The following FAM24B variants were observed in gnomAD, a reference collection of about 807,000 sequenced individuals.
FAM24B encodes family with sequence similarity 24 member B, also known as protein FAM24B.
Under a neutral mutation model 2.3 loss-of-function variants are expected in FAM24B, and 3 were observed. That is an observed-to-expected ratio of 1.29 (90% CI 0.59 to 3.32). The LOEUF is 3.32. Ranked by LOEUF, FAM24B falls within the 30% of genes most tolerant of loss-of-function variation. The probability of loss-of-function intolerance (pLI) is 0.03; values close to 1 mark genes in which losing one functional copy is unlikely to be tolerated. For missense variants in FAM24B, 98 were observed against 117.2 expected, an observed-to-expected ratio of 0.84 and a Z score of 0.76; for synonymous variants, 36 against 46.3, an observed-to-expected ratio of 0.78 and a Z score of 0.90.
intron 1 of FAM24B, among the ~76,000 whole-genome samples, chr10:122,857,944 C>T (rs1847665159): frequency 6.6e-6 from 1 of 152,220 alleles, no homozygotes; most frequent in East Asian, 1.9e-4. Context: ...ACTGGCAAGG[C>T]TGGCTCTGAA....
At chr10:122,863,608 GTTATT>G (rs1229650044) in intron 1 of FAM24B, among the ~76,000 whole-genome samples, 1 of 152,166 alleles carries the variant, frequency 6.6e-6, no homozygotes, top group Admixed American at 6.5e-5. Flanking sequence ...CACATACACT[GTTATT>G]TTATTTTATT....
intron 1 of FAM24B, among the ~76,000 whole-genome samples, chr10:122,876,974 A>T (rs1422592724): frequency 1.3e-5 from 2 of 152,232 alleles, no homozygotes; most frequent in Non-Finnish European, 2.9e-5. Context: ...CAGTAGATAC[A>T]TATATGATTC....
intron 1 of FAM24B, among the ~76,000 whole-genome samples, chr10:122,870,859 C>G (rs913059137): frequency 9.9e-5 from 15 of 152,130 alleles, no homozygotes; most frequent in Admixed American, 9.2e-4. Flanking sequence ...GGAAGCATTC[C>G]CTTTGAAAAC....
chr10:122,871,536 A>G (rs2133840285), intron 1 of FAM24B, among the ~76,000 whole-genome samples: 1 of 151,686 alleles, frequency 6.6e-6, no homozygotes, highest in South Asian at 2.1e-4. Context: ...ACTTCAAACT[A>G]TACTACAGGG....
Position 122,850,483 on chromosome 10 carries a change from G to GGCCGCCAGGAT in FAM24B, c.22_32dup (p.Leu12SerfsTer8). The GGCCGCCAGGAT allele has an allele frequency of 6.2e-7, 1 of 1,614,080 alleles. No homozygotes were observed. Among genetic ancestry groups the GGCCGCCAGGAT allele is most frequent in the Non-Finnish European group, 8.5e-7 (1 of 1,179,946 alleles). On this transcript the variant is annotated frameshift_variant, in exon 3 of 4. Transcript: ENST00000368898. LOFTEE classifies it high-confidence loss of function. ...GCACGACAACTATCAGCAGGAGCAA[G>GGCCGCCAGGAT]GCCGCCAGGATACCACCAGCGATGA...
chr10:122,865,798 T>C (rs552319516), intron 1 of FAM24B, among the ~76,000 whole-genome samples: 36 of 152,176 alleles, frequency 2.4e-4, no homozygotes, highest in East Asian at 1.5e-3. Context: ...TTACTAGATA[T>C]AGGCCTATTT....
intron 1 of FAM24B, among the ~76,000 whole-genome samples, chr10:122,878,276 TAATCCC>T (rs1848010995): frequency 6.6e-6 from 1 of 152,286 alleles, no homozygotes; most frequent in South Asian, 2.1e-4. Context: ...CTCACGCTTG[TAATCCC>T]AGCACTTTTG....
chr10:122,879,286 C>G (rs1566273134), intron 1 of FAM24B, among the ~76,000 whole-genome samples, 199 bp downstream of exon 1: 1 of 152,254 alleles, frequency 6.6e-6, no homozygotes, highest in Non-Finnish European at 1.5e-5. Context: ...TCCCCTCTAA[C>G]GCGAGAATGT....
At chr10:122,877,903 T>C (rs1239256947) in intron 1 of FAM24B, among the ~76,000 whole-genome samples, 1 of 152,230 alleles carries the variant, frequency 6.6e-6, no homozygotes, top group African/African-American at 2.4e-5. Flanking sequence ...CTCTATCAAT[T>C]CCATACAACA....
intron 1 of FAM24B, among the ~76,000 whole-genome samples, chr10:122,878,703 A>C (rs1480909745): frequency 6.6e-6 from 1 of 151,926 alleles, no homozygotes; most frequent in African/African-American, 2.4e-5. Flanking sequence ...CTAGTATTTC[A>C]AAACAGAGAG....
intron 1 of FAM24B, among the ~76,000 whole-genome samples, chr10:122,871,362 C>G (rs578183643): frequency 5.8e-4 from 89 of 152,274 alleles, no homozygotes; most frequent in African/African-American, 2.0e-3. Flanking sequence ...CCATACTACC[C>G]AAGGTAATTT....
chr10:122,859,651 CAA>C (rs1361261474), intron 1 of FAM24B, among the ~76,000 whole-genome samples: 1 of 152,184 alleles, frequency 6.6e-6, no homozygotes, highest in Non-Finnish European at 1.5e-5. Flanking sequence ...ACCTAGAAAA[CAA>C]ACTCTGACAC....
intron 2 of FAM24B, among the ~76,000 whole-genome samples, chr10:122,852,455 G>A (rs1238933492): frequency 6.6e-6 from 1 of 152,124 alleles, no homozygotes; most frequent in Non-Finnish European, 1.5e-5. Flanking sequence ...CATATCTCCA[G>A]GAACTCACCA....
At chr10:122,853,573 C>T (rs532919152) in intron 2 of FAM24B, among the ~76,000 whole-genome samples, 16 of 152,220 alleles carry the variant, frequency 1.1e-4, no homozygotes, top group African/African-American at 3.9e-4. Flanking sequence ...TATCCATGCC[C>T]TTTGTTTGTG....
chr10:122,877,962 A>G (rs1848003023), intron 1 of FAM24B, among the ~76,000 whole-genome samples: 1 of 152,226 alleles, frequency 6.6e-6, no homozygotes, highest in Admixed American at 6.5e-5. Context: ...TATTTTCAAC[A>G]ACTGTACAGA....
At chr10:122,866,620 A>G (rs1847808091) in intron 1 of FAM24B, among the ~76,000 whole-genome samples, 1 of 151,992 alleles carries the variant, frequency 6.6e-6, no homozygotes. Context: ...TTATTATTAT[A>G]TATGTTATGG....
intron 1 of FAM24B, among the ~76,000 whole-genome samples, chr10:122,857,264 T>A (rs1295734202): frequency 6.6e-6 from 1 of 152,190 alleles, no homozygotes; most frequent in Non-Finnish European, 1.5e-5. Context: ...CATTCCATCA[T>A]ATTCGCTGGT....
At chr10:122,861,292 T>C (rs1216191337) in intron 1 of FAM24B, among the ~76,000 whole-genome samples, 1 of 152,222 alleles carries the variant, frequency 6.6e-6, no homozygotes, top group South Asian at 2.1e-4. Flanking sequence ...TCAAAAATCA[T>C]CTTATTTTTG....
intron 1 of FAM24B, among the ~76,000 whole-genome samples, chr10:122,871,380 T>C (rs1847895661): frequency 6.6e-6 from 1 of 152,122 alleles, no homozygotes; most frequent in African/African-American, 2.4e-5. Context: ...TTTATAGATT[T>C]AATGCCATCC....
Sources: gnomAD v4.1 joint callset for allele counts (sites outside exome capture counted in the v4.1 genomes callset) on GRCh38, gnomAD v4.1.1 for gene constraint, MANE v1.5 for transcripts, NCBI Gene and HGNC (gene_info 2026-07-23, HGNC 2026-07-21) for gene names.